CYREN: variants seen among roughly 807,000 people sequenced by gnomAD.
CYREN encodes the protein cell cycle regulator of NHEJ.
A neutral mutation model predicts 9.7 loss-of-function variants in CYREN; 7 were observed. The ratio of observed to expected loss-of-function variants is 0.72; its 90% CI spans 0.41 to 1.36. The LOEUF is 1.36. Ranked by LOEUF, CYREN falls within the 40% of genes most tolerant of loss-of-function variation. CYREN has a pLI of 0.01. For synonymous variants in CYREN, 76 were observed against 77.9 expected (o/e 0.98, Z 0.13); for missense variants, 215 against 198.1 (o/e 1.09, Z -0.51).
intron 2 of CYREN, among the ~76,000 whole-genome samples, chr7:135,115,163 C>A (rs1169382891): frequency 3.9e-5 from 6 of 152,156 alleles, no homozygotes; most frequent in Non-Finnish European, 8.8e-5. Context: ...CTCAAGAATT[C>A]TCTACTCCCC....
chr7:135,129,251 C>G (rs149990200), intron 2 of CYREN: 1 of 1,521,966 alleles, frequency 6.6e-7, no homozygotes, highest in Non-Finnish European at 9.1e-7. Flanking sequence ...TCATGGGTAT[C>G]TGCTCCAGCT....
intron 2 of CYREN, among the ~76,000 whole-genome samples, chr7:135,152,018 T>C (rs757961135): frequency 6.6e-5 from 10 of 152,260 alleles, no homozygotes; most frequent in Admixed American, 6.5e-5. Context: ...TTAACTTCTC[T>C]GAGCCTCAGT....
At chr7:135,148,282 T>A in intron 2 of CYREN, 1 of 360,030 alleles carries the variant, frequency 2.8e-6, no homozygotes, top group Non-Finnish European at 5.4e-6. Context: ...TAAGTACCGA[T>A]CCTGCAAGCA....
downstream of CYREN, among the ~76,000 whole-genome samples, chr7:135,161,953 G>A (rs947140862): frequency 1.3e-5 from 2 of 152,238 alleles, no homozygotes; most frequent in East Asian, 1.9e-4. The surrounding 1 kb of genome is among the most constrained non-coding windows in gnomAD (Gnocchi z 4.1). Context: ...GGCGGTGGCA[G>A]TGTGGACCCC....
At chr7:135,130,282 GA>G (rs1293569221) in intron 2 of CYREN, among the ~76,000 whole-genome samples, 5 of 152,146 alleles carry the variant, frequency 3.3e-5, no homozygotes, top group African/African-American at 1.2e-4. Flanking sequence ...TTTCAGAATG[GA>G]AATTTATAAT....
chr7:135,106,362 T>C (rs571311875), intron 2 of CYREN, among the ~76,000 whole-genome samples: 4 of 151,894 alleles, frequency 2.6e-5, no homozygotes, highest in African/African-American at 9.6e-5. Context: ...GCTGTGGGCA[T>C]GTCATAGATA....
Position 135,130,706 on chromosome 7 carries a change from A to C in CYREN, n.357-36124T>G, listed in dbSNP as rs6949706. On this transcript the variant is annotated intron_variant and non_coding_transcript_variant, in intron 2 of 2. Transcript: ENST00000459937. ...TGTATATGCATATAGTGACAGTATA[A>C]CCTGTCTATACCACTGTAGTTCCAG... Among the ~76,000 whole-genome samples, 1,064 of 152,206 alleles carry C rather than the reference A, an allele frequency of 7.0e-3. 15 individuals carry two copies. The highest frequency in any genetic ancestry group is 0.024 in the African/African-American group (1,013 of 41,536).
At chr7:135,099,797 T>A (rs1823488969) in intron 2 of CYREN, among the ~76,000 whole-genome samples, 1 of 151,972 alleles carries the variant, frequency 6.6e-6, no homozygotes, top group South Asian at 2.1e-4. Context: ...AAGATTTCGC[T>A]ATCCCCAGAC....
chr7:135,168,007 G>A lies in CYREN; in HGVS notation c.138-200C>T, dbSNP rs572263196. ...AGTGACTGGCACAGGGCTTCATGGAGGCAACACCGGGGTGCCTCCCACCCT... is the reference window on the plus strand; with the variant it reads ...AGTGACTGGCACAGGGCTTCATGGAAGCAACACCGGGGTGCCTCCCACCCT... On this transcript the variant is annotated intron_variant, in intron 2 of 3. Coordinates refer to ENST00000393114, the MANE Select transcript of CYREN (RefSeq NM_024033.4). 4.4e-4 allele frequency: 387 copies of A among 869,812 alleles called. 1 individual carries two copies. In the African/African-American group the frequency reaches 6.0e-3, roughly 13 times the overall value. 53.9% of individuals were successfully genotyped at this position (869,812 alleles called of 1,614,324 possible). A position where few individuals can be genotyped will look rare whatever the true frequency, so the allele number is the denominator to read the frequency against.
At chr7:135,121,230 A>T (rs1376421590) in intron 2 of CYREN, among the ~76,000 whole-genome samples, 1 of 152,204 alleles carries the variant, frequency 6.6e-6, no homozygotes, top group Non-Finnish European at 1.5e-5. Context: ...AACAACACAG[A>T]ACTGCAAAAT....
chr7:135,108,786 T>C (rs1004712924), intron 2 of CYREN, among the ~76,000 whole-genome samples: 2 of 152,224 alleles, frequency 1.3e-5, no homozygotes, highest in African/African-American at 4.8e-5. Context: ...TCCTGAAATG[T>C]TTTGCTTTTT....
chr7:135,172,328 G>T (rs1331811769), upstream of CYREN, among the ~76,000 whole-genome samples: 1 of 152,202 alleles, frequency 6.6e-6, no homozygotes, highest in East Asian at 1.9e-4. Flanking sequence ...TTTGGTTTTG[G>T]TTTTGACTTG....
At chr7:135,124,220 C>CA (rs369396148) in intron 2 of CYREN, among the ~76,000 whole-genome samples, 57,594 of 138,040 alleles carry the variant, frequency 0.42, 11,707 homozygotes, top group South Asian at 0.53. Context: ...AAATGGAAAG[C>CA]AAAAAAAAAA....
At chr7:135,158,293 G>A (rs1410711389) in intron 2 of CYREN, among the ~76,000 whole-genome samples, 2 of 152,226 alleles carry the variant, frequency 1.3e-5, no homozygotes, top group African/African-American at 2.4e-5. Flanking sequence ...GATGTGCATA[G>A]GACAGCCTGA....
intron 2 of CYREN, chr7:135,147,832 C>T (rs576637776): frequency 6.1e-4 from 276 of 456,164 alleles, no homozygotes; most frequent in Non-Finnish European, 1.1e-3. Flanking sequence ...CTGGGAGCTT[C>T]GAGAGTTCTT....
chr7:135,150,970 G>C (rs908723453), intron 2 of CYREN, among the ~76,000 whole-genome samples: 1 of 152,148 alleles, frequency 6.6e-6, no homozygotes, highest in African/African-American at 2.4e-5. Context: ...CTGCTAGTGA[G>C]AGCTAATAGT....
rs1474331852 is a variant in CYREN, at chr7:135,165,958, T to G, written c.*653A>C. ...CTGGGCTCCTGTCCCTCTTGCTTTA[T>G]AGCTAGCTGCCCGGGGACCAAGGTA... On this transcript the variant is annotated 3_prime_UTR_variant, in exon 4 of 4. Coordinates refer to ENST00000393114, the MANE Select transcript of CYREN (RefSeq NM_024033.4). 1.2e-5 allele frequency: 2 copies of G among 164,068 alleles called. No individual in the cohort carries two copies. The highest frequency in any genetic ancestry group is 2.4e-5 in the African/African-American group (1 of 41,434). 10.2% of individuals were successfully genotyped at this position (164,068 alleles called of 1,614,324 possible).
chr7:135,096,742 T>TGAAAGAAAAA (rs1822902958), intron 2 of CYREN, among the ~76,000 whole-genome samples: 3 of 101,068 alleles, frequency 3.0e-5, no homozygotes, highest in Non-Finnish European at 6.0e-5. Context: ...AGAGAAAGAA[T>TGAAAGAAAAA]GAAAGAAAGA....
chr7:135,128,645 G>A (rs991722797), intron 2 of CYREN: 3 of 915,278 alleles, frequency 3.3e-6, no homozygotes, highest in Non-Finnish European at 5.4e-6. Context: ...TTGCCTGGAT[G>A]CAATTTCTTA....
Sources: gnomAD v4.1 joint callset for allele counts (sites outside exome capture counted in the v4.1 genomes callset) on GRCh38, gnomAD v4.1.1 for gene constraint, Gnocchi (gnomAD v3.1) non-coding constraint, MANE v1.5 for transcripts, NCBI Gene and HGNC (gene_info 2026-07-23, HGNC 2026-07-21) for gene names.